THSD7B: variants seen among roughly 807,000 people sequenced by gnomAD.
The protein encoded by THSD7B is thrombospondin type 1 domain containing 7B.
A neutral mutation model predicts 213.6 loss-of-function variants in THSD7B; 138 were observed. That is an observed-to-expected ratio of 0.65 (90% CI 0.56 to 0.74). The LOEUF is 0.74. Ranked by LOEUF, THSD7B falls within the 30% of genes least tolerant of loss-of-function variation. THSD7B has a pLI of 0.00. For missense variants in THSD7B, 1,931 were observed against 1,991.5 expected (o/e 0.97, Z 0.58); for synonymous variants, 742 against 687.0 (o/e 1.08, Z -1.25).
chr2:137,278,935 C>T (rs1413055528), intron 12 of THSD7B, among the ~76,000 whole-genome samples: 1 of 151,992 alleles, frequency 6.6e-6, no homozygotes, highest in Non-Finnish European at 1.5e-5. Context: ...AATATATTGT[C>T]ATAAAGGCAA....
chr2:136,940,782 C>T (rs1335977179), intron 2 of THSD7B, among the ~76,000 whole-genome samples: 1 of 146,634 alleles, frequency 6.8e-6, no homozygotes, highest in Non-Finnish European at 1.5e-5. Context: ...AATATTATTT[C>T]ACTATTAACT....
At chr2:137,131,962 A>G (rs1432012238) in intron 5 of THSD7B, among the ~76,000 whole-genome samples, 2 of 150,820 alleles carry the variant, frequency 1.3e-5, no homozygotes, top group Admixed American at 6.6e-5. Flanking sequence ...TCTGTAAATT[A>G]CCTTGGGCAG....
chr2:137,237,070 G>T (rs1180635056), intron 9 of THSD7B, among the ~76,000 whole-genome samples: 1 of 138,486 alleles, frequency 7.2e-6, no homozygotes, highest in Non-Finnish European at 1.5e-5. Flanking sequence ...GAGATGGCAC[G>T]CCATTACACT....
At chr2:137,616,146 G>A in intron 17 of THSD7B, 29 bp from the exon 18 acceptor site, 1 of 1,604,094 alleles carries the variant, frequency 6.2e-7, no homozygotes. Context: ...CTTGCCCACA[G>A]TCAACTTTTC....
intron 2 of THSD7B, among the ~76,000 whole-genome samples, chr2:136,963,115 A>G (rs1294125688): frequency 6.6e-6 from 1 of 152,206 alleles, no homozygotes; most frequent in Non-Finnish European, 1.5e-5. Context: ...CAATGTAACA[A>G]GGCCAAATGT....
At chr2:137,241,641 G>A (rs962778851) in intron 9 of THSD7B, among the ~76,000 whole-genome samples, 3 of 151,960 alleles carry the variant, frequency 2.0e-5, no homozygotes, top group African/African-American at 7.3e-5. Flanking sequence ...GACTGGGCTC[G>A]GTGGCTCACG....
At chr2:137,597,470 T>TG in intron 17 of THSD7B, among the ~76,000 whole-genome samples, 1 of 148,138 alleles carries the variant, frequency 6.8e-6, no homozygotes, top group Middle Eastern at 3.5e-3. Flanking sequence ...AAAAACCTGT[T>TG]TTTTTTTTTT....
intron 2 of THSD7B, among the ~76,000 whole-genome samples, chr2:137,040,678 C>G (rs1037935177): frequency 6.6e-6 from 1 of 152,110 alleles, no homozygotes; most frequent in African/African-American, 2.4e-5. Flanking sequence ...CAGGAATGAG[C>G]CACCGCGCTC....
At chr2:137,006,053 T>C (rs1686101744) in intron 2 of THSD7B, among the ~76,000 whole-genome samples, 1 of 152,166 alleles carries the variant, frequency 6.6e-6, no homozygotes, top group Non-Finnish European at 1.5e-5. Flanking sequence ...CAATAAGAAC[T>C]ACCTCAAAAA....
chr2:137,457,072 G>T (rs1308066782), intron 15 of THSD7B, among the ~76,000 whole-genome samples: 1 of 151,922 alleles, frequency 6.6e-6, no homozygotes, highest in Non-Finnish European at 1.5e-5. Context: ...AAGAAAAATT[G>T]TTTTTTTCTC....
intron 4 of THSD7B, among the ~76,000 whole-genome samples, chr2:137,110,202 T>A (rs567649826): frequency 1.7e-4 from 26 of 152,320 alleles, no homozygotes; most frequent in African/African-American, 5.8e-4. Flanking sequence ...CAGAAGGTAA[T>A]CTTCCCAAGG....
At chr2:137,580,129 A>G (rs1348334367) in intron 17 of THSD7B, among the ~76,000 whole-genome samples, 1 of 152,148 alleles carries the variant, frequency 6.6e-6, no homozygotes, top group Non-Finnish European at 1.5e-5. Flanking sequence ...AGTTTTGTAT[A>G]TGTTGACACA....
intron 12 of THSD7B, among the ~76,000 whole-genome samples, chr2:137,335,995 A>G (rs1296139017): frequency 6.6e-6 from 1 of 152,108 alleles, no homozygotes; most frequent in Non-Finnish European, 1.5e-5. Context: ...GTAAACCATC[A>G]ATGAATATTA....
At chr2:137,132,057 G>A (rs1450711195) in intron 5 of THSD7B, among the ~76,000 whole-genome samples, 5 of 148,804 alleles carry the variant, frequency 3.4e-5, no homozygotes, top group African/African-American at 7.4e-5. Flanking sequence ...TTATTTCATT[G>A]AGCAGTGGTT....
At chr2:136,789,479 A>G (rs921001724) in intron 1 of THSD7B, among the ~76,000 whole-genome samples, 2 of 152,106 alleles carry the variant, frequency 1.3e-5, no homozygotes, top group African/African-American at 4.8e-5. Context: ...TCTTTTGTGC[A>G]TGCTAGGAAC....
intron 12 of THSD7B, among the ~76,000 whole-genome samples, chr2:137,293,000 G>A (rs573585743): frequency 6.6e-6 from 1 of 152,194 alleles, no homozygotes; most frequent in Non-Finnish European, 1.5e-5. Flanking sequence ...CTTGCCATGG[G>A]ATAGGTGGCA....
At chr2:137,257,331 G>A (rs905192027) in intron 10 of THSD7B, among the ~76,000 whole-genome samples, 1 of 152,148 alleles carries the variant, frequency 6.6e-6, no homozygotes, top group African/African-American at 2.4e-5. Context: ...GGATGATTAT[G>A]CAAACACTCT....
chr2:136,801,071 A>T (rs1424928870), intron 1 of THSD7B, among the ~76,000 whole-genome samples: 3 of 151,938 alleles, frequency 2.0e-5, no homozygotes, highest in Non-Finnish European at 4.4e-5. Context: ...TTGTAGGAAT[A>T]GTCCTAAGTC....
intron 12 of THSD7B, among the ~76,000 whole-genome samples, chr2:137,404,430 GATATATATATAT>G (rs59001356): frequency 0.02 from 983 of 49,268 alleles, 19 homozygotes; most frequent in East Asian, 0.052. Flanking sequence ...GAAACTCTGA[GATATATATATAT>G]ATATATATAT....
Sources: allele counts gnomAD v4.1 joint callset (sites outside exome capture counted in the v4.1 genomes callset), GRCh38; gene constraint gnomAD v4.1.1; transcripts MANE v1.5; gene names NCBI Gene and HGNC (gene_info 2026-07-23, HGNC 2026-07-21).